ANXA7: variants seen among roughly 807,000 people sequenced by gnomAD.
ANXA7 encodes annexin VII.
ANXA7 carries 55 observed loss-of-function variants against 64.9 expected under a neutral mutation model. The observed-to-expected ratio is 0.85, with a 90% CI of 0.68 to 1.06. The LOEUF (loss-of-function observed/expected upper bound fraction) is 1.06, where lower values mean the gene tolerates loss of function less well. Among genes scored for constraint, ANXA7 ranks in the 50% least tolerant of loss-of-function variants. ANXA7 has a pLI of 0.00. For synonymous variants in ANXA7, 200 were observed against 192.4 expected (o/e 1.04, Z -0.33); for missense variants, 548 against 582.1 (o/e 0.94, Z 0.60).
intron 4 of ANXA7, 94 bp from the exon 5 acceptor site, chr10:73,396,677 T>C (rs771637327): frequency 3.5e-5 from 25 of 722,208 alleles, no homozygotes; most frequent in Non-Finnish European, 5.5e-5. Context: ...TATGGAAACA[T>C]ACAAGAACAT....
chr10:73,383,168 T>C lies in ANXA7; in HGVS notation c.918+7A>G, dbSNP rs200680509. 4.3e-4 allele frequency: 687 copies of C among 1,610,082 alleles called. No homozygotes were observed. In the African/African-American group the frequency reaches 7.8e-3, roughly 18 times the overall value. On this transcript the variant is annotated splice_region_variant and intron_variant, in intron 9 of 12. Coordinates refer to ENST00000372921, the MANE Select transcript of ANXA7 (RefSeq NM_001156.5). ...TATCAACGCACAAGCATTCATACTATACTCACCTGGCACATGGACACAAGT... is the reference window on the plus strand; with the variant it reads ...TATCAACGCACAAGCATTCATACTACACTCACCTGGCACATGGACACAAGT...
chr10:73,378,084 A>T (rs1469415526), intron 12 of ANXA7, among the ~76,000 whole-genome samples: 1 of 151,712 alleles, frequency 6.6e-6, no homozygotes, highest in Non-Finnish European at 1.5e-5. Flanking sequence ...TCTTTCAATT[A>T]AAAGTTCAGG....
intron 11 of ANXA7, 90 bp from the exon 12 acceptor site, chr10:73,379,113 G>T: frequency 1.2e-6 from 1 of 833,186 alleles, no homozygotes; most frequent in Non-Finnish European, 1.8e-6. Flanking sequence ...GCCTGCCTTT[G>T]ATTATTTTCT....
intron 1 of ANXA7, among the ~76,000 whole-genome samples, chr10:73,405,986 G>A (rs1018290566): frequency 3.3e-5 from 5 of 149,418 alleles, no homozygotes; most frequent in Non-Finnish European, 4.4e-5. Context: ...ACAGAGTTTC[G>A]CTCTTGTCAC....
chr10:73,405,671 T>A (rs890200236), intron 1 of ANXA7, among the ~76,000 whole-genome samples: 2 of 152,150 alleles, frequency 1.3e-5, no homozygotes, highest in African/African-American at 4.8e-5. Context: ...GAGTGAATGA[T>A]CAAAGGTTTA....
In ANXA7 at chr10:73,377,960, G is replaced by A. The variant is rs1417175288; in HGVS notation, c.1278+951C>T. Among the ~76,000 whole-genome samples, 2 of 150,594 alleles carry A rather than the reference G, an allele frequency of 1.3e-5. 1 individual carries two copies. On this transcript the variant is annotated intron_variant, in intron 12 of 12. Coordinates refer to ENST00000372921, the MANE Select transcript of ANXA7 (RefSeq NM_001156.5). Reference sequence around the variant, plus strand: ...GCGCGTGTGTTTTTTGTAGAAATAGGTTTCACCATGTTGCCCAGGCTGGTC... The same window carrying A: ...GCGCGTGTGTTTTTTGTAGAAATAGATTTCACCATGTTGCCCAGGCTGGTC...
chr10:73,405,791 C>T (rs371798555), intron 1 of ANXA7, among the ~76,000 whole-genome samples: 2 of 152,056 alleles, frequency 1.3e-5, no homozygotes, highest in African/African-American at 4.8e-5. Flanking sequence ...CCAAAATAGA[C>T]TAAGGAGCAG....
intron 9 of ANXA7, among the ~76,000 whole-genome samples, chr10:73,382,294 A>C (rs1330600247): frequency 6.6e-6 from 1 of 151,356 alleles, no homozygotes; most frequent in Non-Finnish European, 1.5e-5. Flanking sequence ...TCATTTACAT[A>C]ATCTCTTTCA....
In ANXA7 at chr10:73,375,541, C is replaced by T. The variant is rs1172462051; in HGVS notation, c.*554G>A. 1.3e-5 allele frequency: 2 copies of T among 152,102 alleles called. No homozygotes were observed. The highest frequency in any genetic ancestry group is 4.8e-5 in the African/African-American group (2 of 41,402). The allele number at this position is 152,102 out of a possible 1,614,324, so 9.4% of individuals were successfully genotyped here. ...GTATCTTAAGCATATAAACATTTGA[C>T]CCTTTCTTAAAAGGTGCCACAGGTA... On this transcript the variant is annotated 3_prime_UTR_variant, in exon 13 of 13. Coordinates refer to ENST00000372921, the MANE Select transcript of ANXA7 (RefSeq NM_001156.5).
At position 73,378,944 on chromosome 10, in the gene ANXA7, G is replaced by A; in HGVS notation, c.1245C>T (p.Ser415=). Residue 415 remains serine, a synonymous_variant, in exon 12 of 13, where the codon TCC becomes TCT. Transcript: ENST00000372921. ...YAMKGAGTDD[S]TLVRIVVTRS... is the part of the protein sequence containing the mutation. ...GAGTGACCACAATCCGGACCAGGGT[G>A]GAGTCATCTGTGCCAGCACCTTTCA... The A allele has an allele frequency of 1.2e-6, 2 of 1,613,630 alleles. No individual in the cohort carries two copies. The highest frequency in any genetic ancestry group is 1.7e-5 in the Admixed American group (1 of 59,970).
chr10:73,413,309 G>C (rs995076014), intron 1 of ANXA7, among the ~76,000 whole-genome samples: 8 of 152,156 alleles, frequency 5.3e-5, no homozygotes, highest in African/African-American at 1.9e-4. Flanking sequence ...CAGATTAGCT[G>C]GCCATCAGCT....
At chr10:73,396,110 C>G (rs375002246) in intron 5 of ANXA7, 1 of 1,576,902 alleles carries the variant, frequency 6.3e-7, no homozygotes, top group South Asian at 1.1e-5. Flanking sequence ...CTGTATTGAT[C>G]TGAAAAAAGA....
At chr10:73,397,749 C>A (rs959341288) in intron 3 of ANXA7, among the ~76,000 whole-genome samples, 1 of 152,206 alleles carries the variant, frequency 6.6e-6, no homozygotes, top group Non-Finnish European at 1.5e-5. Context: ...TGAGACACCA[C>A]ACCCAGCCAA....
intron 1 of ANXA7, among the ~76,000 whole-genome samples, chr10:73,401,500 T>C (rs972391928): frequency 3.3e-5 from 5 of 152,016 alleles, no homozygotes; most frequent in Non-Finnish European, 7.4e-5. Context: ...ACTATTCTTC[T>C]TTTCTCTTTT....
At position 73,380,154 on chromosome 10, in the gene ANXA7, T is replaced by C. The variant is rs577419518; in HGVS notation, c.966A>G (p.Glu322=). ...CAGCTTGATAGAGACGCTGAGCATC[T>C]TCCTGAGCCATTTGGTGGTTTATAC... ...NQSINHQMAQ[E]DAQRLYQAGE... is the part of the protein sequence containing the mutation. Residue 322 remains glutamate (E), a synonymous_variant, in exon 10 of 13, where the codon GAA becomes GAG. Coordinates refer to ENST00000372921, the MANE Select transcript of ANXA7 (RefSeq NM_001156.5). The C allele has an allele frequency of 5.6e-6, 9 of 1,614,180 alleles. No individual in the cohort carries two copies. In the South Asian group the frequency reaches 9.9e-5, roughly 18 times the overall value.
At chr10:73,379,394 G>A (rs932310922) in intron 11 of ANXA7, among the ~76,000 whole-genome samples, 1 of 152,202 alleles carries the variant, frequency 6.6e-6, no homozygotes, top group African/African-American at 2.4e-5. Context: ...CCATGAGAAT[G>A]AAACTTTCAC....
Position 73,376,664 on chromosome 10 carries a change from C to T in ANXA7, c.1279-447G>A, listed in dbSNP as rs527527811. Among the ~76,000 whole-genome samples the T allele has an allele frequency of 5.3e-5, 8 of 152,108 alleles. No individual in the cohort carries two copies. The South Asian group carries it at 1.2e-3, about 24-fold the overall frequency. The stretch of plus-strand genomic sequence containing the variant: ...GAATTACAATATGACCTAGAAATTC[C>T]ACTTCTGGGTATATTCAAAATAAGT... On this transcript the variant is annotated intron_variant, in intron 12 of 12. Transcript: ENST00000372921.
intron 12 of ANXA7, among the ~76,000 whole-genome samples, chr10:73,378,643 C>T (rs746354292): frequency 6.6e-5 from 10 of 152,034 alleles, no homozygotes; most frequent in Admixed American, 6.6e-4. Flanking sequence ...TCTAACTTCC[C>T]ATAAATTTGT....
chr10:73,386,253 G>A (rs1175761228), intron 7 of ANXA7, among the ~76,000 whole-genome samples: 1 of 149,486 alleles, frequency 6.7e-6, no homozygotes, highest in Non-Finnish European at 1.5e-5. Context: ...TGCTATCCAT[G>A]TTTTCCCATT....
Sources: gnomAD v4.1 joint callset for allele counts (sites outside exome capture counted in the v4.1 genomes callset) on GRCh38, gnomAD v4.1.1 for gene constraint, MANE v1.5 for transcripts, NCBI Gene and HGNC (gene_info 2026-07-23, HGNC 2026-07-21) for gene names.